The following ACE variants were observed in gnomAD, a reference collection of about 807,000 sequenced individuals.
ACE encodes the protein angiotensin I converting enzyme.
ACE carries 122 observed loss-of-function variants against 162.3 expected under a neutral mutation model. The observed-to-expected ratio is 0.75, with a 90% confidence interval of 0.65 to 0.87. The LOEUF is 0.87. Among genes scored for constraint, ACE ranks in the 40% least tolerant of loss-of-function variants. The pLI is 0.00. For synonymous variants in ACE, 796 were observed against 720.6 expected, an observed-to-expected ratio of 1.10 and a Z score of -1.68; for missense variants, 1,799 against 1,735.1, an observed-to-expected ratio of 1.04 and a Z score of -0.65.
At chr17:63,496,585 C>T (rs1416975893) in intron 23 of ACE, 69 bp downstream of exon 23, 1 of 1,611,404 alleles carries the variant, frequency 6.2e-7, no homozygotes, top group South Asian at 1.1e-5. Context: ...AGGGGTCTGT[C>T]CACTGGAGCT....
intron 21 of ACE, 52 bp downstream of exon 21, chr17:63,494,118 G>A: frequency 1.9e-6 from 3 of 1,609,664 alleles, no homozygotes; most frequent in Non-Finnish European, 2.5e-6. Flanking sequence ...GCGAGTGTCT[G>A]CATGTGCCTG....
At position 63,477,276 on chromosome 17, in the gene ACE, T is replaced by A. The variant is rs745572589; in HGVS notation, c.182T>A (p.Leu61Gln). The change falls in exon 1 of 25, where the codon CTG (leucine) becomes CAG (glutamine). Residue 61 changes from leucine (L) to glutamine (Q), a missense_variant. Coordinates refer to ENST00000290866, the MANE Select transcript of ACE (RefSeq NM_000789.4). Reference sequence around the variant, plus strand: ...TACAACTCCAGCGCCGAACAGGTGCTGTTCCAGAGCGTGGCCGCCAGCTGG... The same window carrying A: ...TACAACTCCAGCGCCGAACAGGTGCAGTTCCAGAGCGTGGCCGCCAGCTGG... The part of the protein sequence containing the change: ...QSYNSSAEQV[L>Q]FQSVAASWAH... 12 of 1,465,398 alleles carry A rather than the reference T, an allele frequency of 8.2e-6. No homozygotes were observed. The South Asian group carries it at 1.2e-4, about 15-fold the overall frequency. The allele number at this position is 1,465,398 out of a possible 1,614,324, so 90.8% of individuals were successfully genotyped here. A position where few individuals can be genotyped will look rare whatever the true frequency, so the allele number is the denominator to read the frequency against.
At chr17:63,478,168 C>A in intron 2 of ACE, 70 bp downstream of exon 2, 1 of 1,532,624 alleles carries the variant, frequency 6.5e-7, no homozygotes. Flanking sequence ...CGGGGGAGAG[C>A]AGCCCATCAG....
Position 63,484,059 on chromosome 17 carries a change from G to A in ACE, c.1709+88G>A, listed in dbSNP as rs915451508. On this transcript the variant is annotated intron_variant, in intron 11 of 24. Transcript: ENST00000290866. This position sits in a 1 kb window ranked among gnomAD's most constrained non-coding sequence, Gnocchi z 4.0. ...AGGAGGTGTCTGGCTGCTCTGATGG[G>A]GTGGGGGGCACCAACCACAGAGCTG... 24 of 1,529,020 alleles carry A rather than the reference G, an allele frequency of 1.6e-5. No individual in the cohort carries two copies. Among genetic ancestry groups the A allele is most frequent in the Non-Finnish European group, 1.8e-5 (21 of 1,140,356 alleles). The allele number at this position is 1,529,020 out of a possible 1,614,324, so 94.7% of individuals were successfully genotyped here.
At position 63,479,884 on chromosome 17, in the gene ACE, C is replaced by T. The variant is rs1329048550; in HGVS notation, c.627C>T (p.Ala209=). ...AACCGCTGTACGAGGATTTCACTGC[C>T]CTCAGCAATGAAGCCTACAAGCAGG... ...PLKPLYEDFT[A]LSNEAYKQDG... The change falls in exon 4 of 25, where the codon GCC becomes GCT. Residue 209 remains alanine, a synonymous_variant. Coordinates refer to ENST00000290866, the MANE Select transcript of ACE (RefSeq NM_000789.4). The T allele has an allele frequency of 7.4e-6, 12 of 1,612,094 alleles. No individual in the cohort carries two copies. Among genetic ancestry groups the T allele is most frequent in the Non-Finnish European group, 1.0e-5 (12 of 1,179,990 alleles).
At position 63,485,274 on chromosome 17, in the gene ACE, G is replaced by A. The variant is rs2029872533; in HGVS notation, c.1960G>A (p.Glu654Lys). ...TGAGGCTGAGGCCAGCAAGTTTGTG[G>A]AGGAATATGACCGGACATCCCAGGT... ...TDEAEASKFVEEYDRTSQVVW... is the reference protein window; with the variant it reads ...TDEAEASKFVKEYDRTSQVVW... Residue 654 changes from glutamate to lysine, a missense_variant, in exon 13 of 25, where the codon GAG becomes AAG. Physicochemically the swap from Glu to Lys is moderately conservative, Grantham distance 56. Transcript: ENST00000290866. 6.2e-7 allele frequency: 1 copy of A among 1,614,118 alleles called. No homozygotes were observed. The highest frequency in any genetic ancestry group is 8.5e-7 in the Non-Finnish European group (1 of 1,180,014).
At position 63,497,289 on chromosome 17, in the gene ACE, A is replaced by G; in HGVS notation, c.3844A>G (p.Ser1282Gly). Reference protein sequence around the residue: ...ATLGLSQRLFSIRHRSLHRHS... With the variant: ...ATLGLSQRLFGIRHRSLHRHS... The stretch of plus-strand genomic sequence containing the variant: ...CCTGGGCCTCAGCCAGCGGCTCTTC[A>G]GCATCCGCCACCGCAGCCTCCACCG... The change falls in exon 25 of 25, where the codon AGC becomes GGC. Residue 1282 changes from serine to glycine, a missense_variant. Physicochemically the swap from Ser to Gly is moderately conservative, Grantham distance 56. Coordinates refer to ENST00000290866, the MANE Select transcript of ACE (RefSeq NM_000789.4). 6.4e-7 allele frequency: 1 copy of G among 1,553,646 alleles called. No homozygotes were observed. Among genetic ancestry groups the G allele is most frequent in the Non-Finnish European group, 8.7e-7 (1 of 1,150,534 alleles).
chr17:63,484,053 T>C lies in ACE; in HGVS notation c.1709+82T>C, dbSNP rs1599142955. ...TGTGGCAGGAGGTGTCTGGCTGCTCTGATGGGGTGGGGGGCACCAACCACA... is the reference window on the plus strand; with the variant it reads ...TGTGGCAGGAGGTGTCTGGCTGCTCCGATGGGGTGGGGGGCACCAACCACA... On this transcript the variant is annotated intron_variant, in intron 11 of 24. Transcript: ENST00000290866. This position sits in a 1 kb window ranked among gnomAD's most constrained non-coding sequence, Gnocchi z 4.0. 2.6e-6 allele frequency: 4 copies of C among 1,534,496 alleles called. No homozygotes were observed. In the East Asian group the frequency reaches 9.8e-5, roughly 37 times the overall value.
rs1263247768 is a variant in ACE, at chr17:63,494,086, G to A, written c.3281+20G>A. ...CCTCAGGTTCTGGAACACTCCCACG[G>A]GATGCGGGCTGGGGGATCTCTGCGA... On this transcript the variant is annotated intron_variant, in intron 21 of 24. Transcript: ENST00000290866. 4 of 1,613,460 alleles carry A rather than the reference G, an allele frequency of 2.5e-6. No individual in the cohort carries two copies. Among genetic ancestry groups the A allele is most frequent in the African/African-American group, 2.7e-5 (2 of 74,894 alleles).
Position 63,491,378 on chromosome 17 carries a change from T to C in ACE, c.2909T>C (p.Phe970Ser). 1 of 1,614,014 alleles carries C rather than the reference T, an allele frequency of 6.2e-7. No individual in the cohort carries two copies. The change falls in exon 19 of 25, where the codon TTC becomes TCC. Residue 970 changes from phenylalanine to serine, a missense_variant. Physicochemically the swap from Phe to Ser is radical, Grantham distance 155. Coordinates refer to ENST00000290866, the MANE Select transcript of ACE (RefSeq NM_000789.4). This position sits in a 1 kb window ranked among gnomAD's most constrained non-coding sequence, Gnocchi z 4.4. ...TGGGACTTCTACAACGGCAAGGACT[T>C]CCGGTACATCCAGCTAGGGCTCAGG... ...SAWDFYNGKD[F>S]RIKQCTTVNL...
chr17:63,478,131 G>A (rs774962048), intron 2 of ACE, 33 bp downstream of exon 2: 40 of 1,555,658 alleles, frequency 2.6e-5, no homozygotes, highest in Non-Finnish European at 3.5e-5. Context: ...GCTCGGGGGC[G>A]GCCTCCTAGT....
At chr17:63,485,136 G>C (rs2029869471) in intron 12 of ACE, 100 bp from the exon 13 acceptor site, 1 of 1,586,080 alleles carries the variant, frequency 6.3e-7, no homozygotes, top group Non-Finnish European at 8.6e-7. Context: ...GACAGGGCAG[G>C]GTACAAGGGA....
chr17:63,496,200 G>A, intron 22 of ACE, 194 bp from the exon 23 acceptor site: 2 of 744,570 alleles, frequency 2.7e-6, no homozygotes, highest in Non-Finnish European at 4.5e-6. Context: ...CGGCTAGGAA[G>A]AGGCTCAGAC....
chr17:63,484,104 C>T lies in ACE; in HGVS notation c.1709+133C>T. 1 of 1,424,478 alleles carries T rather than the reference C, an allele frequency of 7.0e-7. No homozygotes were observed. Among genetic ancestry groups the T allele is most frequent in the East Asian group, 2.5e-5 (1 of 40,126 alleles). The allele number at this position is 1,424,478 out of a possible 1,614,324, so 88.2% of individuals were successfully genotyped here. On this transcript the variant is annotated intron_variant, in intron 11 of 24. Transcript: ENST00000290866. The surrounding 1 kb of genome is among the most constrained non-coding windows in gnomAD (Gnocchi z 4.0). Reference sequence around the variant, plus strand: ...GAGCTGGACTGATGTGGATGCCTGTCTCCTCGCTATGTCATCAAATATTTA... The same window carrying T: ...GAGCTGGACTGATGTGGATGCCTGTTTCCTCGCTATGTCATCAAATATTTA...
At chr17:63,482,912 C>CA (rs2049735367) in intron 8 of ACE, 117 bp from the exon 9 acceptor site, 1 of 1,223,914 alleles carries the variant, frequency 8.2e-7, no homozygotes, top group Non-Finnish European at 1.2e-6. Context: ...GAGGGCCAGC[C>CA]ATACCTTCTC....
rs778706118 is a variant in ACE at position 63,489,101 on chromosome 17, C to T, written c.2610C>T (p.Asn870=). 6.2e-7 allele frequency: 1 copy of T among 1,612,380 alleles called. No individual in the cohort carries two copies. Among genetic ancestry groups the T allele is most frequent in the South Asian group, 1.1e-5 (1 of 91,084 alleles). The change falls in exon 17 of 25, where the codon AAC becomes AAT. Residue 870 remains asparagine (N), a synonymous_variant. Transcript: ENST00000290866. ...LHRHYGAQHI[N]LEGPIPAHLL... is the part of the protein sequence containing the mutation. ...GTCACTACGGGGCCCAGCACATCAACCTGGAGGGGCCCATTCCTGCTCACC... is the reference window on the plus strand; with the variant it reads ...GTCACTACGGGGCCCAGCACATCAATCTGGAGGGGCCCATTCCTGCTCACC...
rs1395070641 is a variant in ACE at position 63,493,514 on chromosome 17, G to A, written c.2991G>A (p.Met997Ile). The A allele has an allele frequency of 1.9e-6, 3 of 1,614,172 alleles. No homozygotes were observed. Among genetic ancestry groups the A allele is most frequent in the Admixed American group, 1.7e-5 (1 of 60,026 alleles). ...HHEMGHIQYF[M>I]QYKDLPVALR... The stretch of plus-strand genomic sequence containing the variant: ...AAATGGGCCACATCCAGTATTTCAT[G>A]CAGTACAAAGACTTACCTGTGGCCT... Residue 997 changes from methionine (M) to isoleucine (I), a missense_variant, in exon 20 of 25, where the codon ATG becomes ATA. By Grantham distance (10) the Met-to-Ile change is conservative. Transcript: ENST00000290866.
intron 8 of ACE, 91 bp downstream of exon 8, chr17:63,482,780 C>T: frequency 7.2e-7 from 1 of 1,388,086 alleles, no homozygotes. Flanking sequence ...CAGCTCTGCC[C>T]TTCTTTCTGC....
rs372489161 is a variant in ACE at position 63,493,428 on chromosome 17, A to G, written c.2913-8A>G. ...CCAACACCCTCTCCCCCACTCCACT[A>G]TTCCTAGGATCAAGCAGTGCACCAC... On this transcript the variant is annotated splice_polypyrimidine_tract_variant and splice_region_variant and intron_variant, in intron 19 of 24. Coordinates refer to ENST00000290866, the MANE Select transcript of ACE (RefSeq NM_000789.4). 32 of 1,612,680 alleles carry G rather than the reference A, an allele frequency of 2.0e-5. No homozygotes were observed. The African/African-American group carries it at 3.9e-4, about 20-fold the overall frequency.
Sources: gnomAD v4.1 joint callset for allele counts on GRCh38, gnomAD v4.1.1 for gene constraint, Gnocchi (gnomAD v3.1) non-coding constraint, MANE v1.5 for transcripts, NCBI Gene and HGNC (gene_info 2026-07-23, HGNC 2026-07-21) for gene names.